The following HECTD2 variants were observed in gnomAD, a reference collection of about 807,000 sequenced individuals.
HECTD2 encodes the protein probable E3 ubiquitin-protein ligase HECTD2.
A neutral mutation model predicts 103.2 loss-of-function variants in HECTD2; 35 were observed. The ratio of observed to expected loss-of-function variants is 0.34; its 90% CI spans 0.26 to 0.45. The LOEUF is 0.45. Ranked by LOEUF, HECTD2 falls within the 20% of genes least tolerant of loss-of-function variation. The probability of loss-of-function intolerance (pLI) is 1.00; values close to 1 mark genes in which losing one functional copy is unlikely to be tolerated. For missense variants in HECTD2, 596 were observed against 937.4 expected, an observed-to-expected ratio of 0.64 and a Z score of 4.76; for synonymous variants, 281 against 329.9, an observed-to-expected ratio of 0.85 and a Z score of 1.61.
chr10:91,471,563 C>A (rs888984501), intron 5 of HECTD2, among the ~76,000 whole-genome samples: 1 of 152,096 alleles, frequency 6.6e-6, no homozygotes, highest in Admixed American at 6.5e-5. Flanking sequence ...CCTAGAAAAC[C>A]CCAAACCCTC....
intron 1 of HECTD2, 76 bp downstream of exon 1, chr10:91,410,652 C>T: frequency 7.8e-7 from 1 of 1,277,576 alleles, no homozygotes; most frequent in South Asian, 2.1e-5. Flanking sequence ...CGAGGGCCGT[C>T]AGGAGGCCTG....
At chr10:91,437,288 G>C (rs929940508) in intron 2 of HECTD2, among the ~76,000 whole-genome samples, 3 of 152,032 alleles carry the variant, frequency 2.0e-5, no homozygotes, top group Non-Finnish European at 2.9e-5. Context: ...CATGCCTGAT[G>C]ATTGATGCTG....
chr10:91,414,945 T>A lies in HECTD2; in HGVS notation c.138+4369T>A, dbSNP rs570229425. ...CAATTTCTGAAACAGAGGAACAACA[T>A]AATGAAATCAGTGGTAGTGTATAGT... On this transcript the variant is annotated intron_variant, in intron 1 of 20. Transcript: ENST00000298068. Among the ~76,000 whole-genome samples the A allele has an allele frequency of 1.4e-4, 21 of 152,178 alleles. No homozygotes were observed. In the East Asian group the frequency reaches 4.1e-3, roughly 29 times the overall value.
chr10:91,438,924 A>G (rs1266026347), intron 2 of HECTD2, among the ~76,000 whole-genome samples: 1 of 151,420 alleles, frequency 6.6e-6, no homozygotes, highest in Non-Finnish European at 1.5e-5. Flanking sequence ...TTGATGGAGT[A>G]GGTTGATTTT....
intron 1 of HECTD2, among the ~76,000 whole-genome samples, chr10:91,421,020 A>T (rs530286822): frequency 2.0e-5 from 3 of 151,980 alleles, no homozygotes; most frequent in African/African-American, 7.2e-5. Context: ...CTTCCCTCAA[A>T]CCTTTGCATT....
chr10:91,427,871 T>G (rs540315037), intron 2 of HECTD2, among the ~76,000 whole-genome samples: 5 of 152,050 alleles, frequency 3.3e-5, no homozygotes, highest in African/African-American at 1.2e-4. Flanking sequence ...GCAGAAGCTC[T>G]TTAGTTTAAT....
At chr10:91,473,270 T>C (rs1845792156) in intron 5 of HECTD2, among the ~76,000 whole-genome samples, 1 of 152,160 alleles carries the variant, frequency 6.6e-6, no homozygotes, top group South Asian at 2.1e-4. Flanking sequence ...AGCAGACTGC[T>C]CCACAGCAAT....
chr10:91,462,335 G>A, intron 5 of HECTD2, 151 bp downstream of exon 5: 1 of 1,102,850 alleles, frequency 9.1e-7, no homozygotes, highest in Non-Finnish European at 1.2e-6. Context: ...CATAAAGTTA[G>A]ATTATTTTAT....
intron 5 of HECTD2, among the ~76,000 whole-genome samples, chr10:91,467,266 C>T (rs1465306559): frequency 6.6e-6 from 1 of 152,168 alleles, no homozygotes; most frequent in Non-Finnish European, 1.5e-5. Flanking sequence ...ACTGCTTACA[C>T]ATGTGGGAGG....
At chr10:91,472,583 C>T (rs903608956) in intron 5 of HECTD2, among the ~76,000 whole-genome samples, 4 of 151,850 alleles carry the variant, frequency 2.6e-5, no homozygotes, top group African/African-American at 9.7e-5. Flanking sequence ...TATCCAGAAT[C>T]TATAAAAAAC....
chr10:91,430,004 T>C (rs574075325), intron 2 of HECTD2, among the ~76,000 whole-genome samples: 37 of 152,308 alleles, frequency 2.4e-4, no homozygotes, highest in African/African-American at 8.9e-4. Flanking sequence ...CTGCTTTCTC[T>C]TGTGGGCATT....
intron 2 of HECTD2, among the ~76,000 whole-genome samples, chr10:91,445,975 G>A (rs111643758): frequency 6.6e-5 from 10 of 152,042 alleles, no homozygotes; most frequent in South Asian, 2.1e-4. Context: ...AGCAGACACC[G>A]AACTTGCTGC....
chr10:91,455,787 A>G (rs189985891), intron 2 of HECTD2, among the ~76,000 whole-genome samples: 2 of 152,174 alleles, frequency 1.3e-5, no homozygotes, highest in African/African-American at 2.4e-5. Flanking sequence ...AGCTTTCTAC[A>G]TATGGCTAGC....
intron 16 of HECTD2, 79 bp from the exon 17 acceptor site, chr10:91,498,793 T>C: frequency 1.2e-6 from 1 of 856,102 alleles, no homozygotes; most frequent in African/African-American, 1.7e-5. Context: ...AAAACTGTTT[T>C]TTAAATTTTA....
intron 2 of HECTD2, among the ~76,000 whole-genome samples, 181 bp downstream of exon 2, chr10:91,425,591 G>C (rs1035077629): frequency 6.6e-5 from 10 of 151,602 alleles, no homozygotes; most frequent in Admixed American, 5.9e-4. Flanking sequence ...TAGAGTAAGA[G>C]AATGAAATAC....
At chr10:91,484,094 C>A (rs1846186347) in intron 8 of HECTD2, 2 of 446,136 alleles carry the variant, frequency 4.5e-6, no homozygotes, top group East Asian at 7.6e-5. Context: ...TAAAACAAGG[C>A]AGAACATCAC....
At position 91,491,105 on chromosome 10, in the gene HECTD2, GATA is replaced by G. The variant is rs967349290; in HGVS notation, c.1192-89_1192-87del. On this transcript the variant is annotated intron_variant, in intron 11 of 20. Transcript: ENST00000298068. ...AATTGTTTATATAAGAAATGGCATA[GATA>G]ATAATTGTTATTTTTACTAAAGTGT... 1.4e-4 allele frequency: 87 copies of G among 603,308 alleles called. No individual in the cohort carries two copies. In the African/African-American group the frequency reaches 1.5e-3, roughly 11 times the overall value. The allele number at this position is 603,308 out of a possible 1,614,324, so 37.4% of individuals were successfully genotyped here. A position where few individuals can be genotyped will look rare whatever the true frequency, so the allele number is the denominator to read the frequency against.
chr10:91,467,347 G>A (rs1047637365), intron 5 of HECTD2, among the ~76,000 whole-genome samples: 1 of 152,152 alleles, frequency 6.6e-6, no homozygotes, highest in African/African-American at 2.4e-5. Context: ...CATGGCCAGG[G>A]TTGCCCATCC....
At chr10:91,451,890 A>T (rs1165285245) in intron 2 of HECTD2, among the ~76,000 whole-genome samples, 2 of 152,140 alleles carry the variant, frequency 1.3e-5, no homozygotes, top group Admixed American at 1.3e-4. Context: ...ACATTACAGT[A>T]GAATTAAATT....
Sources: allele counts gnomAD v4.1 joint callset (sites outside exome capture counted in the v4.1 genomes callset), GRCh38; gene constraint gnomAD v4.1.1; transcripts MANE v1.5; gene names NCBI Gene and HGNC (gene_info 2026-07-23, HGNC 2026-07-21).